The following BICDL1 variants were observed in gnomAD, a reference collection of about 807,000 sequenced individuals.
BICDL1 encodes the protein BICD family-like cargo adapter 1.
A neutral mutation model predicts 76.8 loss-of-function variants in BICDL1; 20 were observed. The ratio of observed to expected loss-of-function variants is 0.26; its 90% CI spans 0.18 to 0.38. The LOEUF is 0.38. Among genes scored for constraint, BICDL1 ranks in the 10% least tolerant of loss-of-function variants. The pLI, the probability that BICDL1 is intolerant of heterozygous loss-of-function variation, is 1.00. For missense variants in BICDL1, 700 were observed against 798.6 expected, an observed-to-expected ratio of 0.88 and a Z score of 1.49; for synonymous variants, 383 against 337.1, an observed-to-expected ratio of 1.14 and a Z score of -1.49.
intron 2 of BICDL1, among the ~76,000 whole-genome samples, chr12:120,054,648 G>A (rs1952936885): frequency 6.6e-6 from 1 of 152,102 alleles, no homozygotes; most frequent in Admixed American, 6.6e-5. Context: ...AGGCTGAGGT[G>A]GGCGGATCAC....
At chr12:120,034,411 T>C (rs1213577896) in intron 2 of BICDL1, among the ~76,000 whole-genome samples, 2 of 152,218 alleles carry the variant, frequency 1.3e-5, no homozygotes, top group Admixed American at 6.5e-5. Flanking sequence ...CAAGTGGGTC[T>C]CCTTCCTTGG....
intron 8 of BICDL1, among the ~76,000 whole-genome samples, chr12:120,082,463 G>C (rs111570031): frequency 0.022 from 3,380 of 152,078 alleles, 67 homozygotes; most frequent in Non-Finnish European, 0.032. Flanking sequence ...CATGTTGCTA[G>C]GGCTGGTCTT....
At chr12:119,995,321 A>C (rs532596400) in intron 1 of BICDL1, among the ~76,000 whole-genome samples, 6 of 152,228 alleles carry the variant, frequency 3.9e-5, no homozygotes, top group South Asian at 2.1e-4. Context: ...AAAGCCTGGA[A>C]TTTGTCAAAG....
chr12:120,074,473 GA>G lies in BICDL1; in HGVS notation c.1341del (p.Glu448AsnfsTer3). The G allele has an allele frequency of 7.9e-7, 1 of 1,264,646 alleles. No individual in the cohort carries two copies. The highest frequency in any genetic ancestry group is 2.6e-5 in the Admixed American group (1 of 38,266). The allele number at this position is 1,264,646 out of a possible 1,614,324, so 78.3% of individuals were successfully genotyped here. A position where few individuals can be genotyped will look rare whatever the true frequency, so the allele number is the denominator to read the frequency against. ...GSRRLDDDSLEEQIRQTSEDS... is the reference protein window; with the variant it reads ...GSRRLDDDSLXEQIRQTSEDS... ...CCGGAGACTTGATGATGACTCCTTA[GA>G]AGAACAGATAAGGCAGACCAGTGAG... On this transcript the variant is annotated frameshift_variant, in exon 7 of 10. Coordinates refer to ENST00000548673, the MANE Select transcript of BICDL1 (RefSeq NM_001367886.1). LOFTEE classifies it high-confidence loss of function.
chr12:120,011,052 A>G (rs1225047789), intron 2 of BICDL1, among the ~76,000 whole-genome samples: 1 of 152,228 alleles, frequency 6.6e-6, no homozygotes, highest in Non-Finnish European at 1.5e-5. Flanking sequence ...CCTAACAGGA[A>G]TTAAAAGCTG....
chr12:120,066,437 A>G (rs540216034), intron 4 of BICDL1, among the ~76,000 whole-genome samples: 1 of 152,318 alleles, frequency 6.6e-6, no homozygotes, highest in African/African-American at 2.4e-5. Flanking sequence ...CCTTATTTCA[A>G]ATCAAGAACT....
chr12:120,006,605 C>T (rs1360049509), intron 2 of BICDL1, among the ~76,000 whole-genome samples: 1 of 152,058 alleles, frequency 6.6e-6, no homozygotes, highest in Non-Finnish European at 1.5e-5. Flanking sequence ...CAGGAAGGAA[C>T]CTTTGGGGAG....
intron 2 of BICDL1, among the ~76,000 whole-genome samples, chr12:120,027,731 C>T (rs1257552012): frequency 6.6e-6 from 1 of 152,134 alleles, no homozygotes; most frequent in Non-Finnish European, 1.5e-5. Flanking sequence ...CAATTTATGT[C>T]CTAGAATTTT....
At chr12:120,036,926 A>G (rs1952541080) in intron 2 of BICDL1, among the ~76,000 whole-genome samples, 1 of 152,214 alleles carries the variant, frequency 6.6e-6, no homozygotes. Flanking sequence ...GCACAGACAT[A>G]TATGAAAGTT....
Position 120,052,688 on chromosome 12 carries a change from T to C in BICDL1, c.646-9022T>C, listed in dbSNP as rs185739213. Among the ~76,000 whole-genome samples, 779 of 152,348 alleles carry C rather than the reference T, an allele frequency of 5.1e-3. 4 individuals carry two copies. Among genetic ancestry groups the C allele is most frequent in the Non-Finnish European group, 7.9e-3 (537 of 68,028 alleles). On this transcript the variant is annotated intron_variant, in intron 2 of 9. Transcript: ENST00000548673. ...TGAGGATATGAAAATATCCTGTTTC[T>C]CATGAAACTTTTGCCCACAAATTTT...
In BICDL1 at chr12:119,989,477, A is replaced by G. The variant is rs866476872; in HGVS notation, c.-392A>G. Among the ~76,000 whole-genome samples, 2 of 149,704 alleles carry G rather than the reference A, an allele frequency of 1.3e-5. No individual in the cohort carries two copies. Among genetic ancestry groups the G allele is most frequent in the Non-Finnish European group, 3.0e-5 (2 of 67,102 alleles). On this transcript the variant is annotated 5_prime_UTR_variant, in exon 1 of 10. Coordinates refer to ENST00000548673, the MANE Select transcript of BICDL1 (RefSeq NM_001367886.1). ...GGCCGGCGGCGGCAGCAGCAGCAGC[A>G]GCGGCAGCGGCAACAGGGCGGCTGA...
intron 2 of BICDL1, among the ~76,000 whole-genome samples, chr12:120,013,439 AGTGTGTGTGTGTGTGTGTGTGTGT>A (rs35499277): frequency 2.2e-5 from 3 of 134,800 alleles, no homozygotes; most frequent in East Asian, 2.3e-4. Flanking sequence ...CTTTAACCAG[AGTGTGTGTGTGTGTGTGTGTGTGT>A]GTGTGTGTGT....
intron 2 of BICDL1, among the ~76,000 whole-genome samples, chr12:120,030,523 T>C (rs1180057584): frequency 6.6e-6 from 1 of 152,174 alleles, no homozygotes; most frequent in African/African-American, 2.4e-5. Flanking sequence ...ATTTCCGTGA[T>C]CAAAACCCCA....
chr12:120,012,676 C>T (rs1951977540), intron 2 of BICDL1, among the ~76,000 whole-genome samples: 1 of 152,132 alleles, frequency 6.6e-6, no homozygotes, highest in African/African-American at 2.4e-5. Context: ...TATGTGTTCT[C>T]ATATATGAAT....
chr12:120,069,278 CTG>C (rs1872909202), intron 4 of BICDL1, among the ~76,000 whole-genome samples: 1 of 152,150 alleles, frequency 6.6e-6, no homozygotes, highest in Non-Finnish European at 1.5e-5. Context: ...CAGAAAAGGA[CTG>C]AGAGAGAACA....
chr12:119,998,383 C>G (rs918191808), intron 1 of BICDL1, 138 bp from the exon 2 acceptor site: 8 of 621,636 alleles, frequency 1.3e-5, no homozygotes, highest in Admixed American at 7.0e-5. Flanking sequence ...GCTGTGAATT[C>G]GGCAACTTGT....
At position 119,998,105 on chromosome 12, in the gene BICDL1, C is replaced by T. The variant is rs560953833; in HGVS notation, c.430-416C>T. 4.6e-5 allele frequency among the ~76,000 whole-genome samples: 7 copies of T among 152,146 alleles called. No individual in the cohort carries two copies. The East Asian group carries it at 1.4e-3, about 29-fold the overall frequency. On this transcript the variant is annotated intron_variant, in intron 1 of 9. Coordinates refer to ENST00000548673, the MANE Select transcript of BICDL1 (RefSeq NM_001367886.1). ...TTCCAGCCTGGGCGACGGAGTCTTA[C>T]CACTGCACTCCAGCCTGGGCGACAG...
intron 2 of BICDL1, among the ~76,000 whole-genome samples, chr12:120,004,945 C>T (rs1290393293): frequency 6.6e-6 from 1 of 152,052 alleles, no homozygotes; most frequent in Non-Finnish European, 1.5e-5. Context: ...TCTCAGCCTC[C>T]TGAGTAGCTG....
intron 2 of BICDL1, among the ~76,000 whole-genome samples, chr12:120,034,092 A>G (rs1207418037): frequency 6.6e-6 from 1 of 152,218 alleles, no homozygotes; most frequent in African/African-American, 2.4e-5. Context: ...AAGTAACTTC[A>G]CTACATGGTT....
Sources: allele counts gnomAD v4.1 joint callset (sites outside exome capture counted in the v4.1 genomes callset), GRCh38; gene constraint gnomAD v4.1.1; transcripts MANE v1.5; gene names NCBI Gene and HGNC (gene_info 2026-07-23, HGNC 2026-07-21).